The following TBC1D19 variants were observed in gnomAD, a reference collection of about 807,000 sequenced individuals.
TBC1D19 encodes the protein TBC1 domain family, member 19.
In TBC1D19, 60 loss-of-function variants were observed where a neutral mutation model predicts 89.0. The observed-to-expected ratio is 0.67, with a 90% confidence interval of 0.55 to 0.84. The LOEUF (loss-of-function observed/expected upper bound fraction) is 0.84. Ranked by LOEUF, TBC1D19 falls within the 40% of genes least tolerant of loss-of-function variation. The pLI is 0.00. For synonymous variants in TBC1D19, 189 were observed against 199.7 expected (o/e 0.95, Z 0.45); for missense variants, 500 against 610.8 (o/e 0.82, Z 1.91).
intron 7 of TBC1D19, 94 bp downstream of exon 7, chr4:26,640,281 G>A: frequency 9.6e-7 from 1 of 1,038,528 alleles, no homozygotes; most frequent in East Asian, 2.4e-5. Flanking sequence ...GGATTAGCAT[G>A]TAAAAAGCCC....
chr4:26,746,615 C>A (rs1015968016), intron 18 of TBC1D19, among the ~76,000 whole-genome samples: 1 of 152,072 alleles, frequency 6.6e-6, no homozygotes, highest in Non-Finnish European at 1.5e-5. Context: ...TGTAGTTTCC[C>A]CTTATCTGTG....
At chr4:26,608,132 A>G (rs955898504) in intron 1 of TBC1D19, among the ~76,000 whole-genome samples, 9 of 152,136 alleles carry the variant, frequency 5.9e-5, no homozygotes, top group African/African-American at 1.9e-4. Flanking sequence ...AAATTTTAGG[A>G]TTTATCTCAA....
At chr4:26,809,093 G>C in the TBC1D19 span, among the ~76,000 whole-genome samples, 5 of 152,230 alleles carry the variant, frequency 3.3e-5, no homozygotes, top group Non-Finnish European at 5.9e-5. Context: ...ACATTGTTGG[G>C]TAAAGTTGTG....
chr4:26,848,978 G>A, the TBC1D19 span, among the ~76,000 whole-genome samples: 1 of 152,018 alleles, frequency 6.6e-6, no homozygotes, highest in Non-Finnish European at 1.5e-5. Context: ...AGATTGCTTG[G>A]GTCCCGGAGT....
At chr4:26,624,355 AT>A (rs1369918750) in intron 4 of TBC1D19, among the ~76,000 whole-genome samples, 2 of 149,944 alleles carry the variant, frequency 1.3e-5, no homozygotes, top group Non-Finnish European at 3.0e-5. Flanking sequence ...ACAAATTGCA[AT>A]TTATTATAGT....
At chr4:26,595,634 C>G (rs1420756497) in intron 1 of TBC1D19, among the ~76,000 whole-genome samples, 1 of 151,858 alleles carries the variant, frequency 6.6e-6, no homozygotes, top group Admixed American at 6.6e-5. Flanking sequence ...CTTGTCCCCC[C>G]ACTCCCACCA....
intron 1 of TBC1D19, among the ~76,000 whole-genome samples, chr4:26,588,425 C>T (rs569324539): frequency 3.4e-4 from 51 of 152,090 alleles, no homozygotes; most frequent in African/African-American, 1.2e-3. Context: ...TGTTTTCAAT[C>T]GCTCTGATTT....
intron 20 of TBC1D19, 83 bp from the exon 21 acceptor site, chr4:26,754,790 G>A (rs1254715540): frequency 9.0e-7 from 1 of 1,111,166 alleles, no homozygotes; most frequent in Non-Finnish European, 1.3e-6. Context: ...GGAGCTTAGT[G>A]TCAAAATTAC....
At chr4:26,745,308 A>G (rs1313664227) in intron 18 of TBC1D19, among the ~76,000 whole-genome samples, 2 of 151,690 alleles carry the variant, frequency 1.3e-5, no homozygotes, top group Non-Finnish European at 2.9e-5. Context: ...AATAAAATTG[A>G]TATTATTGAA....
intron 5 of TBC1D19, among the ~76,000 whole-genome samples, chr4:26,637,712 C>T (rs1426527537): frequency 1.3e-5 from 2 of 152,038 alleles, no homozygotes; most frequent in Non-Finnish European, 2.9e-5. Flanking sequence ...TGGTTTGAAA[C>T]AAAAATCTGT....
At chr4:26,683,839 A>G (rs1713569546) in intron 12 of TBC1D19, 90 bp downstream of exon 12, 1 of 1,044,012 alleles carries the variant, frequency 9.6e-7, no homozygotes. Flanking sequence ...TATGTATGAT[A>G]TATATTAACC....
chr4:26,630,439 T>A (rs1742735365), intron 4 of TBC1D19, among the ~76,000 whole-genome samples: 1 of 152,100 alleles, frequency 6.6e-6, no homozygotes, highest in Non-Finnish European at 1.5e-5. Flanking sequence ...TCTATTTATT[T>A]ATTTTGGGGT....
intron 13 of TBC1D19, among the ~76,000 whole-genome samples, chr4:26,697,534 C>G (rs1714911698): frequency 6.6e-6 from 1 of 152,144 alleles, no homozygotes; most frequent in South Asian, 2.1e-4. Flanking sequence ...CATCCTGATA[C>G]CAAAGCCTGG....
chr4:26,755,701 T>C lies in TBC1D19; in HGVS notation c.*754T>C, dbSNP rs1719228587. Reference sequence around the variant, plus strand: ...TGCTTGTTGCCAGCTTCTGTTACTTTGTAACTATACAAGGAAGACACCCAA... The same window carrying C: ...TGCTTGTTGCCAGCTTCTGTTACTTCGTAACTATACAAGGAAGACACCCAA... On this transcript the variant is annotated 3_prime_UTR_variant, in exon 21 of 21. Coordinates refer to ENST00000264866, the MANE Select transcript of TBC1D19 (RefSeq NM_018317.4). 6.6e-6 allele frequency among the ~76,000 whole-genome samples: 1 copy of C among 152,198 alleles called. No homozygotes were observed. The highest frequency in any genetic ancestry group is 2.4e-5 in the African/African-American group (1 of 41,470).
At chr4:26,582,873 C>CG (rs1202524862), upstream of TBC1D19, among the ~76,000 whole-genome samples, 1 of 152,260 alleles carries the variant, frequency 6.6e-6, no homozygotes, top group African/African-American at 2.4e-5. Flanking sequence ...CATAGAGGCC[C>CG]GGGTCCAGTC....
intron 19 of TBC1D19, among the ~76,000 whole-genome samples, chr4:26,752,796 T>C (rs1719044064): frequency 6.6e-6 from 1 of 152,178 alleles, no homozygotes; most frequent in Non-Finnish European, 1.5e-5. Context: ...TCCATGTGCG[T>C]ATGTTTAATG....
intron 13 of TBC1D19, among the ~76,000 whole-genome samples, chr4:26,693,209 T>C (rs1280858075): frequency 6.6e-6 from 1 of 151,032 alleles, no homozygotes; most frequent in Non-Finnish European, 1.5e-5. Context: ...CTGAAGTACA[T>C]CAGAGGCTTC....
At chr4:26,576,768 G>A (rs1180694719) in exon 1 of TBC1D19, 2 of 456,118 alleles carry the variant, frequency 4.4e-6, no homozygotes, top group Non-Finnish European at 8.8e-6. Context: ...GAAGAGAGGG[G>A]CCACAGTAAA....
At chr4:26,757,333 C>T (rs971848379), downstream of TBC1D19, among the ~76,000 whole-genome samples, 5 of 152,106 alleles carry the variant, frequency 3.3e-5, no homozygotes, top group African/African-American at 1.2e-4. Flanking sequence ...CCATCTTTAA[C>T]CACGCCTCCT....
Sources: gnomAD v4.1 joint callset for allele counts (sites outside exome capture counted in the v4.1 genomes callset) on GRCh38, gnomAD v4.1.1 for gene constraint, MANE v1.5 for transcripts, NCBI Gene and HGNC (gene_info 2026-07-23, HGNC 2026-07-21) for gene names.